SCAPER: variants seen among roughly 807,000 people sequenced by gnomAD.
The protein encoded by SCAPER is S phase cyclin A-associated protein in the endoplasmic reticulum.
In SCAPER, 98 loss-of-function variants were observed where a neutral mutation model predicts 182.2. That is an observed-to-expected ratio of 0.54 (90% CI 0.46 to 0.64). The LOEUF (loss-of-function observed/expected upper bound fraction) is 0.64. SCAPER is among the 30% of genes least tolerant of loss of function. The probability of loss-of-function intolerance (pLI) is 0.00; values close to 1 mark genes in which losing one functional copy is unlikely to be tolerated. For missense variants in SCAPER, 1,432 were observed against 1,690.0 expected, an observed-to-expected ratio of 0.85 and a Z score of 2.68; for synonymous variants, 605 against 564.6, an observed-to-expected ratio of 1.07 and a Z score of -1.01.
At chr15:76,799,767 A>T (rs1442329505) in intron 7 of SCAPER, among the ~76,000 whole-genome samples, 1 of 152,170 alleles carries the variant, frequency 6.6e-6, no homozygotes, top group Non-Finnish European at 1.5e-5. Flanking sequence ...CCTAAGTGAC[A>T]TCGGTGTATA....
In SCAPER at chr15:76,381,512, G is replaced by C; in HGVS notation, c.3571C>G (p.Leu1191Val). 6.2e-7 allele frequency: 1 copy of C among 1,613,428 alleles called. No homozygotes were observed. The highest frequency in any genetic ancestry group is 8.5e-7 in the Non-Finnish European group (1 of 1,179,706). ...GGGTCCAAGATGGTGCCATGGAAGA[G>C]GACACAGTAGAGCATATGAAGAACT... The part of the protein sequence containing the change: ...AGVLHMLYCV[L>V]FHGTILDPST... Residue 1191 changes from leucine (L) to valine (V), a missense_variant, in exon 28 of 32, where the codon CTC (leucine) becomes GTC (valine). Leu to Val is a conservative substitution (Grantham distance 32). Transcript: ENST00000563290.
At chr15:76,369,065 AC>A (rs1264918581) in intron 29 of SCAPER, among the ~76,000 whole-genome samples, 3 of 152,206 alleles carry the variant, frequency 2.0e-5, no homozygotes, top group Non-Finnish European at 4.4e-5. Flanking sequence ...ATGGGACGTC[AC>A]TTTTATTATC....
chr15:76,649,268 A>G (rs2054812119), intron 21 of SCAPER, among the ~76,000 whole-genome samples: 1 of 152,148 alleles, frequency 6.6e-6, no homozygotes, highest in Admixed American at 6.5e-5. Context: ...CTCAGTCTCT[A>G]AAAGAATTTA....
intron 24 of SCAPER, among the ~76,000 whole-genome samples, chr15:76,479,772 T>TA (rs1050349275): frequency 3.3e-5 from 5 of 151,230 alleles, no homozygotes; most frequent in Non-Finnish European, 7.4e-5. Context: ...GGTTAAGACT[T>TA]AAAAAAAAAC....
rs11858674 is a variant in SCAPER at position 76,547,098 on chromosome 15, T to C, written c.2838+27060A>G. 8.1e-3 allele frequency among the ~76,000 whole-genome samples: 1,241 copies of C among 152,318 alleles called. 11 individuals are homozygous for C. The highest frequency in any genetic ancestry group is 0.028 in the African/African-American group (1,176 of 41,568). On this transcript the variant is annotated intron_variant, in intron 23 of 31. Transcript: ENST00000563290. ...GGAGATTTTGGGGTTGAATAGGGAA[T>C]GCACAGCTTCAACTTTACCGGAACT...
At chr15:76,510,485 T>C (rs1360092170) in intron 23 of SCAPER, among the ~76,000 whole-genome samples, 1 of 151,996 alleles carries the variant, frequency 6.6e-6, no homozygotes, top group Non-Finnish European at 1.5e-5. Flanking sequence ...CCAATAAACA[T>C]ATGAAAAAAT....
chr15:76,574,325 C>CA, intron 22 of SCAPER, 41 bp from the exon 23 acceptor site: 1 of 1,594,800 alleles, frequency 6.3e-7, no homozygotes, highest in Admixed American at 1.7e-5. Flanking sequence ...ATTAATGAAA[C>CA]AGACTATAAT....
At chr15:76,362,286 T>C (rs1474574395) in intron 29 of SCAPER, among the ~76,000 whole-genome samples, 1 of 152,104 alleles carries the variant, frequency 6.6e-6, no homozygotes, top group Admixed American at 6.6e-5. Context: ...ATATTGTTTT[T>C]TAAAGGTAAA....
chr15:76,752,866 T>C (rs1598518080), intron 15 of SCAPER, among the ~76,000 whole-genome samples: 2 of 151,220 alleles, frequency 1.3e-5, no homozygotes, highest in East Asian at 3.9e-4. Context: ...ATGATTCAGA[T>C]GATAAATTTT....
chr15:76,850,696 A>G (rs753434495), intron 4 of SCAPER, among the ~76,000 whole-genome samples: 4 of 151,968 alleles, frequency 2.6e-5, no homozygotes, highest in Non-Finnish European at 5.9e-5. Flanking sequence ...CACCATCTCT[A>G]CAAAAATACA....
At chr15:76,582,079 T>C (rs1177606154) in intron 22 of SCAPER, among the ~76,000 whole-genome samples, 1 of 152,170 alleles carries the variant, frequency 6.6e-6, no homozygotes, top group East Asian at 1.9e-4. Context: ...TTCACTGTTA[T>C]TTAACATAGT....
chr15:76,540,530 AT>A (rs1194554519), intron 23 of SCAPER, among the ~76,000 whole-genome samples: 1 of 152,066 alleles, frequency 6.6e-6, no homozygotes. Context: ...CTATATTTTT[AT>A]TTTTTTAATA....
At chr15:76,637,722 T>TTA (rs369760680) in intron 21 of SCAPER, among the ~76,000 whole-genome samples, 1,795 of 76,932 alleles carry the variant, frequency 0.023, 41 homozygotes, top group African/African-American at 0.025. Context: ...ATATATGTGA[T>TTA]TATATATATA....
At chr15:76,654,518 A>C (rs1251359281) in intron 21 of SCAPER, among the ~76,000 whole-genome samples, 6 of 152,216 alleles carry the variant, frequency 3.9e-5, no homozygotes, top group African/African-American at 1.4e-4. Context: ...ATGCTTACAA[A>C]GGGAATGTAA....
intron 4 of SCAPER, among the ~76,000 whole-genome samples, chr15:76,853,362 C>T (rs983496991): frequency 6.6e-6 from 1 of 151,970 alleles, no homozygotes; most frequent in Non-Finnish European, 1.5e-5. Flanking sequence ...AAAATCTGGC[C>T]GAGACACAAC....
intron 25 of SCAPER, among the ~76,000 whole-genome samples, chr15:76,442,985 T>C (rs1351199374): frequency 3.9e-5 from 6 of 152,044 alleles, no homozygotes; most frequent in African/African-American, 1.2e-4. Flanking sequence ...GGTGGGGGCA[T>C]GTGTATTGAT....
intron 20 of SCAPER, among the ~76,000 whole-genome samples, chr15:76,671,535 C>T (rs553662193): frequency 5.3e-5 from 8 of 151,882 alleles, no homozygotes; most frequent in Non-Finnish European, 8.8e-5. Context: ...TGTGGGAGGC[C>T]GAGGTGGGCA....
rs562423047 is a variant in SCAPER at position 76,458,894 on chromosome 15, A to G, written c.3078+12318T>C. 2.2e-4 allele frequency among the ~76,000 whole-genome samples: 33 copies of G among 151,294 alleles called. 1 individual carries two copies. The South Asian group carries it at 6.5e-3, about 30-fold the overall frequency. On this transcript the variant is annotated intron_variant, in intron 25 of 31. Transcript: ENST00000563290. ...CTCTCTATCTCCATACGATCAACTT[A>G]TTTATTTATTTATTCATTGAGACAA...
intron 2 of SCAPER, among the ~76,000 whole-genome samples, chr15:76,873,331 A>AAGGAAGGAAGGC (rs1568382432): frequency 1.8e-4 from 15 of 83,762 alleles, no homozygotes; most frequent in African/African-American, 6.4e-4. Flanking sequence ...GGAAGGAAGG[A>AAGGAAGGAAGGC]AGGCAGGCAG....
Sources: gnomAD v4.1 joint callset for allele counts (sites outside exome capture counted in the v4.1 genomes callset) on GRCh38, gnomAD v4.1.1 for gene constraint, MANE v1.5 for transcripts, NCBI Gene and HGNC (gene_info 2026-07-23, HGNC 2026-07-21) for gene names.